The following PCDHA8 variants were observed in gnomAD, a reference collection of about 807,000 sequenced individuals.
PCDHA8 encodes protocadherin alpha-8.
Under a neutral mutation model 61.8 loss-of-function variants are expected in PCDHA8, and 53 were observed. That is an observed-to-expected ratio of 0.86 (90% CI 0.69 to 1.08). PCDHA8 has a LOEUF of 1.08. PCDHA8 is among the 50% of genes least tolerant of loss of function. The pLI is 0.00. For synonymous variants in PCDHA8, 618 were observed against 556.6 expected, an observed-to-expected ratio of 1.11 and a Z score of -1.55; for missense variants, 1,293 against 1,245.0, an observed-to-expected ratio of 1.04 and a Z score of -0.58.
intron 1 of PCDHA8, chr5:140,863,483 G>A: frequency 4.3e-6 from 2 of 464,772 alleles, no homozygotes; most frequent in Non-Finnish European, 8.6e-6. Context: ...CGCCTCCCAA[G>A]GTCAACATTA....
chr5:140,848,258 T>G, intron 1 of PCDHA8: 1 of 479,224 alleles, frequency 2.1e-6, no homozygotes, highest in Non-Finnish European at 3.7e-6. Context: ...AACTGTGAAA[T>G]TTTTATTCAT....
chr5:140,851,715 G>C, intron 1 of PCDHA8: 1 of 964,012 alleles, frequency 1.0e-6, no homozygotes, highest in Non-Finnish European at 1.3e-6. Context: ...GTGAAGATTC[G>C]AAACTTCGAG....
intron 1 of PCDHA8, chr5:140,853,462 C>A: frequency 1.0e-6 from 1 of 971,970 alleles, no homozygotes; most frequent in Non-Finnish European, 1.2e-6. Context: ...TCCTTATATG[C>A]ATCTGTAGTT....
rs2095730579 is a variant in PCDHA8 at position 140,963,035 on chromosome 5, T to C, written c.2395-15914T>C. Among the ~76,000 whole-genome samples, 3 of 152,330 alleles carry C rather than the reference T, an allele frequency of 2.0e-5. No individual in the cohort carries two copies. The South Asian group carries it at 6.2e-4, about 32-fold the overall frequency. On this transcript the variant is annotated intron_variant, in intron 1 of 3. Transcript: ENST00000531613. ...AAGAAAATGAAGCAATTAACATTTA[T>C]TGAGAGTCTATAAGGGTTTCTACAT...
At chr5:140,946,202 A>T (rs2093901656) in intron 1 of PCDHA8, among the ~76,000 whole-genome samples, 1 of 152,118 alleles carries the variant, frequency 6.6e-6, no homozygotes, top group Non-Finnish European at 1.5e-5. Context: ...AAAAGAAAGC[A>T]CACAAATGAC....
chr5:140,882,474 A>G, intron 1 of PCDHA8: 1 of 1,614,054 alleles, frequency 6.2e-7, no homozygotes, highest in Non-Finnish European at 8.5e-7. Context: ...GTGGCGTCCA[A>G]AAGACACGGG....
intron 3 of PCDHA8, among the ~76,000 whole-genome samples, chr5:141,007,339 T>C (rs2098316015): frequency 6.9e-6 from 1 of 143,904 alleles, no homozygotes; most frequent in Non-Finnish European, 1.5e-5. Context: ...TTGCCTGAGC[T>C]CAGGAGTTCG....
At chr5:140,941,347 T>G (rs246069) in intron 1 of PCDHA8, among the ~76,000 whole-genome samples, 2 of 130,422 alleles carry the variant, frequency 1.5e-5, no homozygotes, top group African/African-American at 5.9e-5. Context: ...GATGGAGTCT[T>G]GCTCTGTTGC....
Position 140,921,480 on chromosome 5 carries a change from A to G in PCDHA8, c.2395-57469A>G, listed in dbSNP as rs201609452. On this transcript the variant is annotated intron_variant, in intron 1 of 3. Coordinates refer to ENST00000531613, the MANE Select transcript of PCDHA8 (RefSeq NM_018911.3). ...CCTGCAACCACTACCAAACCACTCT[A>G]CCTGAGATTAGTTTATTAGATAGTG... 4.8e-4 allele frequency among the ~76,000 whole-genome samples: 73 copies of G among 152,306 alleles called. No homozygotes were observed. In the East Asian group the frequency reaches 0.011, roughly 22 times the overall value.
At chr5:140,882,899 T>C (rs956861597) in intron 1 of PCDHA8, 1 of 1,614,228 alleles carries the variant, frequency 6.2e-7, no homozygotes. Context: ...ACATAGTTTA[T>C]TACTGACAGC....
chr5:140,871,504 C>G (rs782640295), intron 1 of PCDHA8: 2 of 1,581,824 alleles, frequency 1.3e-6, no homozygotes, highest in African/African-American at 1.3e-5. Context: ...GGTGAGTTTT[C>G]TACAGATTCC....
chr5:140,945,076 C>G (rs2093735426), intron 1 of PCDHA8, among the ~76,000 whole-genome samples: 1 of 152,104 alleles, frequency 6.6e-6, no homozygotes, highest in South Asian at 2.1e-4. Flanking sequence ...TCCACCAAAA[C>G]ACTCTTGGAA....
chr5:140,883,867 C>T (rs2059859396), intron 1 of PCDHA8: 3 of 1,613,138 alleles, frequency 1.9e-6, no homozygotes, highest in Non-Finnish European at 2.5e-6. Flanking sequence ...TGTTGCAGTT[C>T]CAGGTGAGCG....
intron 3 of PCDHA8, among the ~76,000 whole-genome samples, chr5:141,000,417 A>AT (rs1563652061): frequency 7.5e-4 from 58 of 77,708 alleles, no homozygotes; most frequent in African/African-American, 1.3e-3. Context: ...ATATATATAT[A>AT]TATATTTTTT....
intron 1 of PCDHA8, chr5:140,882,709 T>G (rs782343997): frequency 6.2e-7 from 1 of 1,614,022 alleles, no homozygotes; most frequent in Non-Finnish European, 8.5e-7. Flanking sequence ...AATCTAGACC[T>G]CCGGAAACTC....
intron 1 of PCDHA8, among the ~76,000 whole-genome samples, chr5:140,949,802 A>G (rs974562597): frequency 1.3e-5 from 2 of 151,818 alleles, no homozygotes; most frequent in Admixed American, 6.6e-5. Flanking sequence ...CCTTCAATAC[A>G]TTATTTGCTT....
intron 1 of PCDHA8, chr5:140,857,954 C>G: frequency 6.3e-7 from 1 of 1,597,286 alleles, no homozygotes; most frequent in South Asian, 1.1e-5. Flanking sequence ...GACGCGCGCT[C>G]TGGATGAGAC....
chr5:140,921,151 ATTT>A (rs11299094), intron 1 of PCDHA8, among the ~76,000 whole-genome samples: 3 of 151,512 alleles, frequency 2.0e-5, no homozygotes, highest in South Asian at 2.1e-4. Context: ...CAGCTAATGC[ATTT>A]TTTTTTTAAC....
intron 1 of PCDHA8, among the ~76,000 whole-genome samples, chr5:140,959,555 T>A (rs538493851): frequency 1.3e-5 from 2 of 152,118 alleles, no homozygotes; most frequent in African/African-American, 4.8e-5. Flanking sequence ...ATAAATAGAA[T>A]CAGTACTAGA....
Sources: gnomAD v4.1 joint callset for allele counts (sites outside exome capture counted in the v4.1 genomes callset) on GRCh38, gnomAD v4.1.1 for gene constraint, MANE v1.5 for transcripts, NCBI Gene and HGNC (gene_info 2026-07-23, HGNC 2026-07-21) for gene names.